The following POU6F2 variants were observed in gnomAD, a reference collection of about 807,000 sequenced individuals.
The protein encoded by POU6F2 is POU class 6 homeobox 2.
Under a neutral mutation model 71.3 loss-of-function variants are expected in POU6F2, and 31 were observed. That is an observed-to-expected ratio of 0.43 (90% confidence interval 0.33 to 0.59). POU6F2 has a LOEUF of 0.59. POU6F2 is among the 20% of genes least tolerant of loss of function. The pLI is 0.04. For missense variants in POU6F2, 783 were observed against 856.8 expected (o/e 0.91, Z 1.07); for synonymous variants, 347 against 355.7 (o/e 0.98, Z 0.27).
chr7:39,464,433 G>A lies in POU6F2; in HGVS notation c.1910G>A (p.Arg637His), dbSNP rs774260299. Residue 637 changes from arginine to histidine, a missense_variant, in exon 10 of 10, where the codon CGC (arginine) becomes CAC (histidine). Arg to His is a conservative substitution (Grantham distance 29). Around this residue, in one of 2 missense-constraint regions of POU6F2, gnomAD observed 211 missense variants for 283.9 expected, o/e 0.74. Coordinates refer to ENST00000518318, the MANE Select transcript of POU6F2 (RefSeq NM_001370959.1). This position sits in a 1 kb window ranked among gnomAD's most constrained non-coding sequence, Gnocchi z 4.1. ...EFIGSEPSKK[R>H]KRRTSFTPQA... ...ATCGGGAGTGAACCATCCAAAAAGC[G>A]CAAGCGGCGCACCTCCTTCACACCC... 2.1e-5 allele frequency: 34 copies of A among 1,613,862 alleles called. No individual in the cohort carries two copies. Among genetic ancestry groups the A allele is most frequent in the East Asian group, 4.5e-5 (2 of 44,892 alleles).
chr7:39,092,710 C>T (rs1166405720), intron 2 of POU6F2, among the ~76,000 whole-genome samples: 1 of 152,084 alleles, frequency 6.6e-6, no homozygotes, highest in Non-Finnish European at 1.5e-5. Context: ...TCCTGATTGT[C>T]AAAGTCAGAT....
intron 2 of POU6F2, among the ~76,000 whole-genome samples, chr7:39,181,199 T>C (rs922903616): frequency 4.2e-5 from 6 of 144,394 alleles, no homozygotes; most frequent in Admixed American, 2.1e-4. Context: ...GAGGTTGGGA[T>C]TGTCACATCC....
intron 2 of POU6F2, among the ~76,000 whole-genome samples, chr7:39,093,999 A>C (rs1451062513): frequency 3.3e-5 from 5 of 152,244 alleles, no homozygotes; most frequent in Admixed American, 3.3e-4. Context: ...TATAATAATA[A>C]GCTTTCTTTT....
intron 1 of POU6F2, among the ~76,000 whole-genome samples, chr7:39,000,610 T>C (rs1247226792): frequency 1.3e-5 from 2 of 151,976 alleles, no homozygotes; most frequent in Non-Finnish European, 2.9e-5. Flanking sequence ...TATGCATTCA[T>C]AGCCCTGGCC....
chr7:39,197,535 C>G (rs1407768324), intron 2 of POU6F2, among the ~76,000 whole-genome samples: 1 of 152,198 alleles, frequency 6.6e-6, no homozygotes, highest in Non-Finnish European at 1.5e-5. Flanking sequence ...AAGCCCAGAA[C>G]ATGTGTGGCT....
At chr7:39,093,275 A>G (rs181226912) in intron 2 of POU6F2, among the ~76,000 whole-genome samples, 53 of 152,250 alleles carry the variant, frequency 3.5e-4, no homozygotes, top group African/African-American at 1.3e-3. Context: ...TAGAGAAACT[A>G]AGTAATATAA....
intron 2 of POU6F2, among the ~76,000 whole-genome samples, chr7:39,092,766 A>G (rs1279476790): frequency 2.0e-5 from 3 of 152,082 alleles, no homozygotes; most frequent in Admixed American, 6.6e-5. Flanking sequence ...GACATCTCCT[A>G]CTCTGTGCTG....
chr7:39,186,365 G>A (rs12537008), intron 2 of POU6F2, among the ~76,000 whole-genome samples: 85 of 152,266 alleles, frequency 5.6e-4, no homozygotes, highest in African/African-American at 1.3e-3. Context: ...CTGAGCAAGC[G>A]TTTGCTACTT....
In POU6F2 at chr7:39,244,520, G is replaced by T. The variant is rs567093976; in HGVS notation, c.598+36900G>T. ...TACATCAATGTATGAGAAATAGCTG[G>T]AACTGGTATTAACTTACTGGTGGTA... is the stretch of plus-strand genomic sequence containing the variant. On this transcript the variant is annotated intron_variant, in intron 4 of 9. Transcript: ENST00000518318. Among the ~76,000 whole-genome samples, 47 of 152,238 alleles carry T rather than the reference G, an allele frequency of 3.1e-4. 1 individual carries two copies. The highest frequency in any genetic ancestry group is 2.9e-3 in the Admixed American group (44 of 15,288).
At chr7:39,308,512 A>G (rs1187923318) in intron 4 of POU6F2, among the ~76,000 whole-genome samples, 1 of 152,206 alleles carries the variant, frequency 6.6e-6, no homozygotes, top group Non-Finnish European at 1.5e-5. Context: ...GAACCCACGG[A>G]AAGTTGGTCC....
chr7:39,390,126 T>C (rs914594927), intron 5 of POU6F2, among the ~76,000 whole-genome samples: 1 of 152,208 alleles, frequency 6.6e-6, no homozygotes, highest in Admixed American at 6.5e-5. Context: ...CTGGGTGCAG[T>C]GGCTCACTCC....
At chr7:38,984,739 G>C (rs1788419735) in intron 1 of POU6F2, 2 of 152,096 alleles carry the variant, frequency 1.3e-5, no homozygotes, top group African/African-American at 4.8e-5. Context: ...TATTTCTGGA[G>C]TTTAATATGA....
At chr7:39,191,948 T>C (rs1476978751) in intron 2 of POU6F2, among the ~76,000 whole-genome samples, 1 of 152,220 alleles carries the variant, frequency 6.6e-6, no homozygotes, top group Non-Finnish European at 1.5e-5. Context: ...TCCAACAATC[T>C]CTTGATGAGA....
At chr7:39,041,969 A>G (rs1488668667) in intron 1 of POU6F2, among the ~76,000 whole-genome samples, 3 of 151,948 alleles carry the variant, frequency 2.0e-5, no homozygotes, top group Admixed American at 1.3e-4. Context: ...ATTGGGCTGG[A>G]TTTACAAACG....
chr7:39,071,775 T>A (rs151165518), intron 1 of POU6F2, among the ~76,000 whole-genome samples: 1 of 152,272 alleles, frequency 6.6e-6, no homozygotes, highest in African/African-American at 2.4e-5. Flanking sequence ...CACTGGATTT[T>A]AAAAATGTAT....
intron 1 of POU6F2, among the ~76,000 whole-genome samples, chr7:38,982,487 T>A (rs1245967644): frequency 6.6e-6 from 1 of 152,150 alleles, no homozygotes; most frequent in Admixed American, 6.5e-5. Flanking sequence ...CTAAAAAACT[T>A]CACTTAATAT....
chr7:39,129,785 C>T (rs991163375), intron 2 of POU6F2, among the ~76,000 whole-genome samples: 1 of 151,958 alleles, frequency 6.6e-6, no homozygotes, highest in Non-Finnish European at 1.5e-5. Context: ...TTTTTTCGGC[C>T]GGGCGCTGTG....
intron 1 of POU6F2, among the ~76,000 whole-genome samples, chr7:38,986,049 C>T (rs892460779): frequency 1.3e-5 from 2 of 152,086 alleles, no homozygotes; most frequent in East Asian, 1.9e-4. Context: ...TTCATTAACA[C>T]ACACGCACAC....
At chr7:39,191,960 A>G (rs1793679157) in intron 2 of POU6F2, among the ~76,000 whole-genome samples, 1 of 152,220 alleles carries the variant, frequency 6.6e-6, no homozygotes, top group Non-Finnish European at 1.5e-5. Flanking sequence ...TTGATGAGAC[A>G]TTAATTTGAG....
Sources: gnomAD v4.1 joint callset for allele counts (sites outside exome capture counted in the v4.1 genomes callset) on GRCh38, gnomAD v4.1.1 for gene constraint, gnomAD v4.1.1 regional missense constraint, Gnocchi (gnomAD v3.1) non-coding constraint, MANE v1.5 for transcripts, NCBI Gene and HGNC (gene_info 2026-07-23, HGNC 2026-07-21) for gene names.